The following FANCD2 variants were observed in gnomAD, a reference collection of about 807,000 sequenced individuals.
FANCD2 encodes the protein Fanconi anemia group D2 protein.
FANCD2 carries 131 observed loss-of-function variants against 192.3 expected under a neutral mutation model. That is an observed-to-expected ratio of 0.68 (90% CI 0.59 to 0.79). The LOEUF (loss-of-function observed/expected upper bound fraction) is 0.79, where lower values mean the gene tolerates loss of function less well. Among genes scored for constraint, FANCD2 ranks in the 30% least tolerant of loss-of-function variants. The pLI is 0.00. For synonymous variants in FANCD2, 524 were observed against 612.5 expected (o/e 0.86, Z 2.13); for missense variants, 1,508 against 1,701.6 (o/e 0.89, Z 2.00).
At chr3:10,041,306 T>C in intron 9 of FANCD2, 1 of 313,938 alleles carries the variant, frequency 3.2e-6, no homozygotes, top group Non-Finnish European at 6.1e-6. Context: ...CAGATTTCAT[T>C]GTAAATGTTT....
chr3:10,071,096 C>T (rs1008949694), intron 26 of FANCD2, among the ~76,000 whole-genome samples: 2 of 146,468 alleles, frequency 1.4e-5, no homozygotes, highest in African/African-American at 2.5e-5. Flanking sequence ...CCAAATCCCC[C>T]TCTGCGAGAA....
chr3:10,062,450 C>T (rs1228854790), intron 20 of FANCD2, among the ~76,000 whole-genome samples: 1 of 151,784 alleles, frequency 6.6e-6, no homozygotes, highest in Non-Finnish European at 1.5e-5. Context: ...CCATGTTGGC[C>T]CCGCTGGTCC....
At position 10,085,795 on chromosome 3, in the gene FANCD2, T is replaced by TA. The variant is rs1694158682; in HGVS notation, c.3225-16dup. ...TTCCAGAAACTAAGCTAACCCCTCT[T>TA]ACCTTGACTTCCTTAGGAGTGGATT... On this transcript the variant is annotated splice_polypyrimidine_tract_variant and intron_variant, in intron 32 of 43. Coordinates refer to ENST00000675286, the MANE Select transcript of FANCD2 (RefSeq NM_001018115.3). The TA allele has an allele frequency of 1.3e-6, 2 of 1,558,508 alleles. No individual in the cohort carries two copies. The highest frequency in any genetic ancestry group is 2.2e-5 in the South Asian group (2 of 90,026).
At chr3:10,059,195 A>G (rs565629003) in intron 18 of FANCD2, among the ~76,000 whole-genome samples, 1 of 151,728 alleles carries the variant, frequency 6.6e-6, no homozygotes, top group South Asian at 2.1e-4. Flanking sequence ...TGTATTTTCT[A>G]TAGAGATGAG....
At chr3:10,039,382 G>C (rs2086808107) in intron 8 of FANCD2, 25 bp downstream of exon 8, 1 of 1,547,524 alleles carries the variant, frequency 6.5e-7, no homozygotes, top group Non-Finnish European at 8.9e-7. Flanking sequence ...TTTATCTCTT[G>C]AATTTAAAGA....
chr3:10,028,777 A>T, intron 2 of FANCD2, 56 bp downstream of exon 2: 1 of 1,412,690 alleles, frequency 7.1e-7, no homozygotes, highest in Non-Finnish European at 1.0e-6. Flanking sequence ...GAGGCATGTG[A>T]GAGATATAAA....
intron 17 of FANCD2, among the ~76,000 whole-genome samples, chr3:10,050,364 C>T (rs2087159357): frequency 6.6e-6 from 1 of 152,160 alleles, no homozygotes. Context: ...GTGGCTCATG[C>T]TTGTAATCCC....
intron 2 of FANCD2, 134 bp downstream of exon 2, chr3:10,028,855 A>T (rs950189890): frequency 2.5e-5 from 21 of 843,534 alleles, no homozygotes; most frequent in Non-Finnish European, 4.2e-5. Context: ...TTAAGGGAGA[A>T]ATATCAGATT....
chr3:10,046,361 A>G lies in FANCD2; in HGVS notation c.1135-219A>G, dbSNP rs1361794805. ...AGCCACTGTGCCTGGCCTGCTCTGTATTCTTAAGGGGTATCAATGGTTAAC... is the reference window on the plus strand; with the variant it reads ...AGCCACTGTGCCTGGCCTGCTCTGTGTTCTTAAGGGGTATCAATGGTTAAC... On this transcript the variant is annotated intron_variant, in intron 14 of 43. Coordinates refer to ENST00000675286, the MANE Select transcript of FANCD2 (RefSeq NM_001018115.3). The G allele has an allele frequency of 1.4e-5, 9 of 641,412 alleles. No individual in the cohort carries two copies. The East Asian group carries it at 3.0e-4, about 21-fold the overall frequency. The allele number at this position is 641,412 out of a possible 1,614,324, so 39.7% of individuals were successfully genotyped here.
chr3:10,095,878 ATTT>A (rs397950663), intron 41 of FANCD2, among the ~76,000 whole-genome samples: 4 of 125,756 alleles, frequency 3.2e-5, no homozygotes, highest in African/African-American at 3.1e-5. Flanking sequence ...CTGAACAGTG[ATTT>A]TTTTTTTTTT....
chr3:10,096,985 T>C (rs539654951), intron 42 of FANCD2, among the ~76,000 whole-genome samples: 115 of 152,232 alleles, frequency 7.6e-4, no homozygotes, highest in African/African-American at 2.6e-3. Flanking sequence ...AAGAGAGAAA[T>C]TTTAAAGCTG....
chr3:10,095,364 C>G lies in FANCD2; in HGVS notation c.4038+90C>G, dbSNP rs1694892404. On this transcript the variant is annotated intron_variant, in intron 41 of 43. Transcript: ENST00000675286. ...GGATCCATGGGCTACCATCCTTCTT[C>G]CTTTATATCTGGGACTGTGTCTGTC... 5.8e-6 allele frequency: 6 copies of G among 1,035,258 alleles called. No individual in the cohort carries two copies. In the East Asian group the frequency reaches 1.0e-4, roughly 18 times the overall value. The allele number at this position is 1,035,258 out of a possible 1,614,324, so 64.1% of individuals were successfully genotyped here.
chr3:10,042,644 C>T lies in FANCD2; in HGVS notation c.869C>T (p.Thr290Ile), dbSNP rs2086894076. Residue 290 changes from threonine (T) to isoleucine (I), a missense_variant, in exon 11 of 44, where the codon ACA (threonine) becomes ATA (isoleucine). Coordinates refer to ENST00000675286, the MANE Select transcript of FANCD2 (RefSeq NM_001018115.3). ...ATAAAGTTCATTCTTCATTCCGTAA[C>T]AGCCATGGATACACTTGAGGTATGC... is the stretch of plus-strand genomic sequence containing the variant. ...VIIKFILHSV[T>I]AMDTLEVISE... 6.2e-7 allele frequency: 1 copy of T among 1,613,540 alleles called. No homozygotes were observed. The highest frequency in any genetic ancestry group is 8.5e-7 in the Non-Finnish European group (1 of 1,179,604).
At chr3:10,092,305 T>C (rs1694664896) in intron 38 of FANCD2, 53 bp downstream of exon 38, 1 of 1,373,370 alleles carries the variant, frequency 7.3e-7, no homozygotes, top group Non-Finnish European at 1.0e-6. Flanking sequence ...AGAAACCAAG[T>C]GTCCTGGCTT....
intron 18 of FANCD2, among the ~76,000 whole-genome samples, chr3:10,057,378 T>C (rs921806254): frequency 2.6e-5 from 4 of 151,626 alleles, no homozygotes; most frequent in African/African-American, 9.7e-5. Context: ...TTTCTTTTTT[T>C]TTTTTGAGAT....
chr3:10,087,996 C>A (rs752180124), intron 34 of FANCD2, among the ~76,000 whole-genome samples: 1 of 152,170 alleles, frequency 6.6e-6, no homozygotes. Context: ...GAATGCAGCT[C>A]ATCCTAGTTG....
At chr3:10,099,361 G>C in intron 43 of FANCD2, 2 of 1,172,422 alleles carry the variant, frequency 1.7e-6, no homozygotes, top group Non-Finnish European at 2.1e-6. Context: ...AGTGGCTCAT[G>C]CTTGTAATCC....
chr3:10,095,001 AC>A (rs1252386442), intron 40 of FANCD2, 198 bp from the exon 41 acceptor site: 10 of 609,440 alleles, frequency 1.6e-5, no homozygotes, highest in Non-Finnish European at 3.0e-5. Flanking sequence ...TCAGATTGAT[AC>A]AAGGGACAGA....
intron 7 of FANCD2, among the ~76,000 whole-genome samples, chr3:10,036,781 G>C (rs990323297): frequency 1.3e-5 from 2 of 152,026 alleles, no homozygotes; most frequent in African/African-American, 4.8e-5. Flanking sequence ...TCTCCAAAGA[G>C]GGTAGCCAGT....
Sources: gnomAD v4.1 joint callset for allele counts (sites outside exome capture counted in the v4.1 genomes callset) on GRCh38, gnomAD v4.1.1 for gene constraint, MANE v1.5 for transcripts, NCBI Gene and HGNC (gene_info 2026-07-23, HGNC 2026-07-21) for gene names.